The following CABIN1 variants were observed in gnomAD, a reference collection of about 807,000 sequenced individuals.
CABIN1 encodes calcineurin-binding protein cabin-1.
In CABIN1, 133 loss-of-function variants were observed where a neutral mutation model predicts 227.7. The observed-to-expected ratio is 0.58, with a 90% confidence interval of 0.51 to 0.67. The LOEUF (loss-of-function observed/expected upper bound fraction) is 0.67. Among genes scored for constraint, CABIN1 ranks in the 30% least tolerant of loss-of-function variants. CABIN1 has a pLI of 0.00. For synonymous variants in CABIN1, 1,086 were observed against 1,155.1 expected (o/e 0.94, Z 1.21); for missense variants, 2,408 against 2,852.5 (o/e 0.84, Z 3.55).
At position 24,038,474 on chromosome 22, in the gene CABIN1, C is replaced by G. The variant is rs756787865; in HGVS notation, c.210+13C>G. 1.9e-6 allele frequency: 3 copies of G among 1,590,100 alleles called. No homozygotes were observed. The Admixed American group carries it at 5.0e-5, about 27-fold the overall frequency. On this transcript the variant is annotated intron_variant, in intron 4 of 36. Transcript: ENST00000263119. ...CCTGCTGCGGGAGGTGAGGCATCAG[C>G]AGGCCAGGCAGTGTGCCGTGGTGGT...
rs559933959 is a variant in CABIN1 at position 24,038,457 on chromosome 22, G to A, written c.206G>A (p.Arg69Gln). The part of the protein sequence containing the change: ...YHELLEASLL[R>Q]EAVSSGDEKE... The stretch of plus-strand genomic sequence containing the variant: ...GAGCTCTTGGAGGCGAGCCTGCTGC[G>A]GGAGGTGAGGCATCAGCAGGCCAGG... The change falls in exon 4 of 37, where the codon CGG becomes CAG. Residue 69 changes from arginine (R) to glutamine (Q), a missense_variant. Physicochemically the swap from Arg to Gln is conservative, Grantham distance 43 (BLOSUM62 1). Transcript: ENST00000263119. 11 of 1,610,478 alleles carry A rather than the reference G, an allele frequency of 6.8e-6. No homozygotes were observed. The highest frequency in any genetic ancestry group is 3.3e-5 in the South Asian group (3 of 90,956).
chr22:24,133,211 A>G (rs2044179171), intron 28 of CABIN1, among the ~76,000 whole-genome samples: 1 of 152,158 alleles, frequency 6.6e-6, no homozygotes, highest in African/African-American at 2.4e-5. Flanking sequence ...CAGTCCCTAC[A>G]GCATCCCGGT....
intron 7 of CABIN1, among the ~76,000 whole-genome samples, chr22:24,050,550 A>C (rs2038244502): frequency 6.6e-6 from 1 of 152,104 alleles, no homozygotes; most frequent in South Asian, 2.1e-4. Context: ...GGCTTTTCAG[A>C]TATTATTGTG....
chr22:24,015,301 T>C (rs1382752020), intron 1 of CABIN1, among the ~76,000 whole-genome samples: 1 of 145,782 alleles, frequency 6.9e-6, no homozygotes, highest in Non-Finnish European at 1.5e-5. Flanking sequence ...AAAAGAATAG[T>C]GTGTCTTGAA....
intron 9 of CABIN1, 72 bp from the exon 10 acceptor site, chr22:24,056,120 T>C: frequency 7.9e-7 from 1 of 1,265,378 alleles, no homozygotes; most frequent in South Asian, 1.2e-5. Context: ...AGAGGGAGAT[T>C]GATGTGTCTG....
At chr22:24,157,068 G>C (rs777805732) in intron 29 of CABIN1, among the ~76,000 whole-genome samples, 2 of 152,226 alleles carry the variant, frequency 1.3e-5, no homozygotes, top group Admixed American at 6.5e-5. Flanking sequence ...CGCGTTGTGG[G>C]GGGTGGGGTG....
intron 29 of CABIN1, among the ~76,000 whole-genome samples, chr22:24,152,882 A>G (rs956656636): frequency 6.6e-6 from 1 of 151,910 alleles, no homozygotes; most frequent in Non-Finnish European, 1.5e-5. Flanking sequence ...CCCACGAGAC[A>G]GAGGTTGCAG....
intron 26 of CABIN1, chr22:24,101,689 C>T (rs2042209741): frequency 1.3e-5 from 2 of 152,284 alleles, no homozygotes; most frequent in Non-Finnish European, 2.9e-5. Flanking sequence ...GGAATTTGCC[C>T]ACAGGGCTGA....
At chr22:24,047,989 C>G (rs528684873) in intron 6 of CABIN1, among the ~76,000 whole-genome samples, 2 of 152,218 alleles carry the variant, frequency 1.3e-5, no homozygotes, top group African/African-American at 4.8e-5. Context: ...TATCATAGTT[C>G]TGCTTTGTGA....
intron 1 of CABIN1, among the ~76,000 whole-genome samples, chr22:24,020,516 G>T (rs1432043687): frequency 6.6e-6 from 1 of 151,886 alleles, no homozygotes; most frequent in African/African-American, 2.4e-5. Context: ...TAGAGATGAG[G>T]TCTCCCTATG....
chr22:24,119,708 T>C lies in CABIN1; in HGVS notation c.4632+10T>C, dbSNP rs778942753. ...CAGCAAGACCCACCGGGTGAGTGGC[T>C]GCCGGGCCAAGGGGGCTTGGATCTT... On this transcript the variant is annotated intron_variant, in intron 28 of 36. Transcript: ENST00000263119. 6.2e-7 allele frequency: 1 copy of C among 1,613,274 alleles called. No individual in the cohort carries two copies. Among genetic ancestry groups the C allele is most frequent in the Non-Finnish European group, 8.5e-7 (1 of 1,179,544 alleles).
At chr22:24,166,500 C>A in intron 31 of CABIN1, 139 bp from the exon 32 acceptor site, 4 of 1,052,186 alleles carry the variant, frequency 3.8e-6, no homozygotes, top group Non-Finnish European at 5.8e-6. Context: ...TGAAACACAG[C>A]CCTGGCCAGC....
intron 24 of CABIN1, 141 bp from the exon 25 acceptor site, chr22:24,095,790 G>T: frequency 1.1e-6 from 1 of 878,440 alleles, no homozygotes; most frequent in Admixed American, 1.7e-5. Flanking sequence ...AGGATGGTTG[G>T]TTTAAAAGCT....
intron 28 of CABIN1, among the ~76,000 whole-genome samples, chr22:24,132,368 G>C (rs977541133): frequency 2.0e-5 from 3 of 152,046 alleles, no homozygotes; most frequent in African/African-American, 7.2e-5. Flanking sequence ...TCCCCACCCT[G>C]TACTCAGTTT....
chr22:24,164,836 C>T (rs913789805), intron 30 of CABIN1, among the ~76,000 whole-genome samples: 1 of 152,182 alleles, frequency 6.6e-6, no homozygotes, highest in Non-Finnish European at 1.5e-5. Flanking sequence ...TTCCTTTCCT[C>T]CTGCTTCCCC....
rs2236622 is a variant in CABIN1 at position 24,096,098 on chromosome 22, C to T, written c.3938+16C>T. ...CTTCAGAAAAGTGAGTAGCACCCTTCAGGCGACCCCTAGCAGCTTACCCCA... is the reference window on the plus strand; with the variant it reads ...CTTCAGAAAAGTGAGTAGCACCCTTTAGGCGACCCCTAGCAGCTTACCCCA... On this transcript the variant is annotated intron_variant, in intron 25 of 36. Transcript: ENST00000263119. 331,577 of 1,613,460 alleles carry T rather than the reference C, an allele frequency of 0.21. 39,811 individuals carry two copies. Among genetic ancestry groups the T allele is most frequent in the African/African-American group, 0.51 (37,955 of 74,886 alleles).
intron 28 of CABIN1, among the ~76,000 whole-genome samples, chr22:24,121,571 C>T (rs1012183096): frequency 2.0e-5 from 3 of 152,236 alleles, no homozygotes; most frequent in African/African-American, 7.2e-5. Context: ...CTTCTGCACC[C>T]AGGTGGACCT....
At chr22:24,045,997 C>T (rs5760189) in intron 6 of CABIN1, among the ~76,000 whole-genome samples, 27,888 of 152,206 alleles carry the variant, frequency 0.18, 2,849 homozygotes, top group Admixed American at 0.28. Flanking sequence ...TGTGCAGCGC[C>T]CCAGAAGGCA....
intron 10 of CABIN1, among the ~76,000 whole-genome samples, chr22:24,058,842 C>G (rs544871475): frequency 1.3e-5 from 2 of 152,358 alleles, no homozygotes; most frequent in East Asian, 1.9e-4. Flanking sequence ...CTCAAGCACT[C>G]TGTTGTGAGG....
Sources: gnomAD v4.1 joint callset for allele counts (sites outside exome capture counted in the v4.1 genomes callset) on GRCh38, gnomAD v4.1.1 for gene constraint, MANE v1.5 for transcripts, NCBI Gene and HGNC (gene_info 2026-07-23, HGNC 2026-07-21) for gene names.